Variants in UBL3 observed in about 807,000 individuals in gnomAD.
The protein encoded by UBL3 is ubiquitin like 3.
UBL3 carries 6 observed loss-of-function variants against 18.4 expected under a neutral mutation model. The observed-to-expected ratio is 0.33, with a 90% CI of 0.18 to 0.64. The LOEUF is 0.64. Ranked by LOEUF, UBL3 falls within the 30% of genes least tolerant of loss-of-function variation. The pLI is 0.76. For synonymous variants in UBL3, 49 were observed against 46.6 expected, an observed-to-expected ratio of 1.05 and a Z score of -0.21; for missense variants, 109 against 142.9, an observed-to-expected ratio of 0.76 and a Z score of 1.21.
intron 1 of UBL3, among the ~76,000 whole-genome samples, chr13:29,838,525 T>C (rs1350318236): frequency 1.3e-5 from 2 of 152,210 alleles, no homozygotes; most frequent in South Asian, 2.1e-4. Flanking sequence ...GAGGGGTAAA[T>C]GGAATTAAAT....
intron 1 of UBL3, among the ~76,000 whole-genome samples, chr13:29,820,545 C>T (rs146695675): frequency 6.6e-5 from 10 of 152,152 alleles, no homozygotes; most frequent in East Asian, 1.9e-4. Flanking sequence ...AGATTCCTTG[C>T]GATCCTGGAG....
intron 1 of UBL3, among the ~76,000 whole-genome samples, chr13:29,779,634 A>G (rs1390179608): frequency 1.3e-5 from 2 of 152,238 alleles, no homozygotes; most frequent in African/African-American, 4.8e-5. Context: ...ATGATAGTAT[A>G]TCCTTACCAT....
At chr13:29,829,251 T>C (rs577792517) in intron 1 of UBL3, among the ~76,000 whole-genome samples, 2 of 152,334 alleles carry the variant, frequency 1.3e-5, no homozygotes, top group East Asian at 3.9e-4. Context: ...CAGAGGTTTC[T>C]GCTGCCTTTT....
intron 1 of UBL3, among the ~76,000 whole-genome samples, chr13:29,795,508 T>C (rs566117737): frequency 1.3e-5 from 2 of 151,994 alleles, no homozygotes; most frequent in Admixed American, 6.6e-5. Context: ...TAACATTAGT[T>C]ATATTATTAA....
chr13:29,821,790 C>T (rs115142209), intron 1 of UBL3, among the ~76,000 whole-genome samples: 1,567 of 152,166 alleles, frequency 0.01, 28 homozygotes, highest in African/African-American at 0.036. Flanking sequence ...CCATTGATTT[C>T]GTACAGAAAT....
At chr13:29,772,356 C>T (rs774346976) in intron 2 of UBL3, among the ~76,000 whole-genome samples, 158 bp from the exon 3 acceptor site, 3 of 152,000 alleles carry the variant, frequency 2.0e-5, no homozygotes, top group Admixed American at 6.6e-5. Context: ...ATACATTTAC[C>T]GCAACCTTGG....
intron 1 of UBL3, among the ~76,000 whole-genome samples, chr13:29,810,243 C>G (rs144958823): frequency 2.5e-4 from 38 of 152,014 alleles, no homozygotes; most frequent in Non-Finnish European, 4.1e-4. Flanking sequence ...TAACTGGCCA[C>G]GTGATTAAGG....
intron 1 of UBL3, among the ~76,000 whole-genome samples, chr13:29,844,920 C>G (rs1288931521): frequency 8.1e-6 from 1 of 123,520 alleles, no homozygotes; most frequent in Non-Finnish European, 1.7e-5. Flanking sequence ...TTTAACACCA[C>G]TATTACTACG....
chr13:29,842,499 A>G (rs1879131513), intron 1 of UBL3, among the ~76,000 whole-genome samples: 1 of 152,048 alleles, frequency 6.6e-6, no homozygotes, highest in South Asian at 2.1e-4. Context: ...GATCTGGCAT[A>G]CGCTCTTCCT....
intron 2 of UBL3, among the ~76,000 whole-genome samples, chr13:29,773,799 C>T (rs1484448180): frequency 6.6e-6 from 1 of 152,030 alleles, no homozygotes; most frequent in Non-Finnish European, 1.5e-5. Flanking sequence ...ACCTTTGACC[C>T]AATAATAGCT....
intron 1 of UBL3, among the ~76,000 whole-genome samples, chr13:29,797,083 G>T (rs1225319022): frequency 6.6e-6 from 1 of 152,084 alleles, no homozygotes; most frequent in Non-Finnish European, 1.5e-5. Flanking sequence ...TAAATTAGTA[G>T]AAGTTATTTA....
chr13:29,833,515 A>G (rs1452601641), intron 1 of UBL3, among the ~76,000 whole-genome samples: 3 of 152,196 alleles, frequency 2.0e-5, no homozygotes, highest in African/African-American at 7.2e-5. Flanking sequence ...TGAGATTTAA[A>G]AAGAACAAAG....
At chr13:29,782,556 C>T (rs1312120255) in intron 1 of UBL3, among the ~76,000 whole-genome samples, 2 of 151,900 alleles carry the variant, frequency 1.3e-5, no homozygotes, top group African/African-American at 4.8e-5. Context: ...TGACACAGAC[C>T]CTACTACTCC....
intron 3 of UBL3, among the ~76,000 whole-genome samples, chr13:29,771,748 A>G (rs1175857984): frequency 2.0e-5 from 3 of 152,068 alleles, no homozygotes; most frequent in Non-Finnish European, 2.9e-5. Context: ...ACATCCCTTC[A>G]TATATTTGAA....
intron 1 of UBL3, among the ~76,000 whole-genome samples, chr13:29,827,528 C>T (rs1209874654): frequency 6.6e-6 from 1 of 152,106 alleles, no homozygotes; most frequent in African/African-American, 2.4e-5. Context: ...TTTCTATTTG[C>T]TTGGCAGATC....
chr13:29,776,275 T>TTTTTTA (rs1876989416), intron 2 of UBL3, among the ~76,000 whole-genome samples: 1 of 147,098 alleles, frequency 6.8e-6, no homozygotes, highest in Admixed American at 6.8e-5. Context: ...TTTTTTTTTT[T>TTTTTTA]TTTTTGAGAC....
intron 3 of UBL3, among the ~76,000 whole-genome samples, chr13:29,770,156 A>T (rs1876801891): frequency 6.6e-6 from 1 of 152,066 alleles, no homozygotes; most frequent in Non-Finnish European, 1.5e-5. Flanking sequence ...CAAATATTTA[A>T]AGATGGTTGT....
intron 1 of UBL3, among the ~76,000 whole-genome samples, chr13:29,817,817 T>C (rs1369571304): frequency 1.3e-5 from 2 of 152,166 alleles, no homozygotes; most frequent in African/African-American, 2.4e-5. Context: ...AGCAGGGAGC[T>C]GGGTAAATGG....
chr13:29,795,573 T>C (rs1877587321), intron 1 of UBL3, among the ~76,000 whole-genome samples: 1 of 151,846 alleles, frequency 6.6e-6, no homozygotes, highest in African/African-American at 2.4e-5. Flanking sequence ...CTAATCCATA[T>C]ACCTCTTGCC....
Sources: allele counts gnomAD v4.1 joint callset (sites outside exome capture counted in the v4.1 genomes callset), GRCh38; gene constraint gnomAD v4.1.1; transcripts MANE v1.5; gene names NCBI Gene and HGNC (gene_info 2026-07-23, HGNC 2026-07-21).